WDR77: variants seen among roughly 807,000 people sequenced by gnomAD.
WDR77 encodes the protein WD repeat domain 77, also known as methylosome protein WDR77.
WDR77 carries 31 observed loss-of-function variants against 44.0 expected under a neutral mutation model. The ratio of observed to expected loss-of-function variants is 0.70; its 90% CI spans 0.53 to 0.95. The LOEUF is 0.95. Among genes scored for constraint, WDR77 ranks in the 40% least tolerant of loss-of-function variants. WDR77 has a pLI of 0.00. For synonymous variants in WDR77, 186 were observed against 165.7 expected (o/e 1.12, Z -0.94); for missense variants, 390 against 423.9 (o/e 0.92, Z 0.70).
At chr1:111,443,611 T>C (rs926636845) in intron 6 of WDR77, 2 of 977,026 alleles carry the variant, frequency 2.0e-6, no homozygotes, top group African/African-American at 1.8e-5. Context: ...GCACGAATCA[T>C]GACGATAACA....
At chr1:111,448,996 C>T (rs747249547) in intron 1 of WDR77, 59 bp downstream of exon 1, 21 of 1,542,852 alleles carry the variant, frequency 1.4e-5, no homozygotes, top group East Asian at 7.3e-5. Context: ...GGTCAGTCTC[C>T]GGGGAGGGGC....
At position 111,443,928 on chromosome 1, in the gene WDR77, G is replaced by C. The variant is rs772778494; in HGVS notation, c.565-7C>G. On this transcript the variant is annotated splice_region_variant and splice_polypyrimidine_tract_variant and intron_variant, in intron 5 of 9. Coordinates refer to ENST00000235090, the MANE Select transcript of WDR77 (RefSeq NM_024102.4). Reference sequence around the variant, plus strand: ...AGAGTAAAATTCTATTGTCCTAGAGGAAGGTGGAACAGAAAAAGGATTTCA... The same window carrying C: ...AGAGTAAAATTCTATTGTCCTAGAGCAAGGTGGAACAGAAAAAGGATTTCA... 6.2e-7 allele frequency: 1 copy of C among 1,614,220 alleles called. No individual in the cohort carries two copies. Among genetic ancestry groups the C allele is most frequent in the Non-Finnish European group, 8.5e-7 (1 of 1,180,034 alleles).
chr1:111,447,696 A>C (rs1331878525), intron 2 of WDR77, 120 bp from the exon 3 acceptor site: 1 of 1,192,930 alleles, frequency 8.4e-7, no homozygotes, highest in African/African-American at 1.5e-5. Context: ...TTCCTGTAAA[A>C]GCAAAGTCCA....
At chr1:111,443,605 G>A (rs1246560766) in intron 6 of WDR77, 8 of 971,420 alleles carry the variant, frequency 8.2e-6, no homozygotes, top group Admixed American at 6.2e-5. Flanking sequence ...TTTCAGGCAC[G>A]AATCATGACG....
Position 111,440,174 on chromosome 1 carries a change from A to T in WDR77, c.*1056T>A, listed in dbSNP as rs1652747624. The stretch of plus-strand genomic sequence containing the variant: ...AGCTACTTTGGGAAGCTGGGGAAGC[A>T]CAGGAAAAATAATGGGCTACAAGAC... On this transcript the variant is annotated 3_prime_UTR_variant, in exon 10 of 10. Transcript: ENST00000235090. 1 of 152,264 alleles carries T rather than the reference A, an allele frequency of 6.6e-6. No homozygotes were observed. Among genetic ancestry groups the T allele is most frequent in the African/African-American group, 2.4e-5 (1 of 41,452 alleles). 9.4% of individuals were successfully genotyped at this position (152,264 alleles called of 1,614,324 possible). A position where few individuals can be genotyped will look rare whatever the true frequency, so the allele number is the denominator to read the frequency against.
chr1:111,441,990 T>TC, intron 9 of WDR77, 35 bp downstream of exon 9: 1 of 1,601,434 alleles, frequency 6.2e-7, no homozygotes, highest in Non-Finnish European at 8.6e-7. Context: ...CTGCTCCCCT[T>TC]CCCTGATTCC....
At chr1:111,448,890 C>T (rs1479197836) in intron 1 of WDR77, 86 bp from the exon 2 acceptor site, 4 of 1,544,002 alleles carry the variant, frequency 2.6e-6, no homozygotes, top group Middle Eastern at 1.7e-4. Context: ...CCGGCCGGGT[C>T]TGGATCTGAG....
intron 2 of WDR77, among the ~76,000 whole-genome samples, chr1:111,448,286 T>C (rs919704372): frequency 6.6e-6 from 1 of 152,138 alleles, no homozygotes; most frequent in African/African-American, 2.4e-5. Flanking sequence ...AAGAGACATG[T>C]AGCACAGATT....
At position 111,447,315 on chromosome 1, in the gene WDR77, T is replaced by A. The variant is rs187862000; in HGVS notation, c.443+120A>T. ...AATCCCTAAGGAAACCTTATAGACA[T>A]GCTAAAATAAGTCACTGGATTCTTA... On this transcript the variant is annotated intron_variant, in intron 3 of 9. Coordinates refer to ENST00000235090, the MANE Select transcript of WDR77 (RefSeq NM_024102.4). 5 of 1,513,332 alleles carry A rather than the reference T, an allele frequency of 3.3e-6. No homozygotes were observed. In the East Asian group the frequency reaches 9.5e-5, roughly 29 times the overall value. The allele number at this position is 1,513,332 out of a possible 1,614,324, so 93.7% of individuals were successfully genotyped here.
intron 4 of WDR77, 82 bp from the exon 5 acceptor site, chr1:111,444,206 G>A: frequency 2.2e-6 from 3 of 1,385,914 alleles, no homozygotes; most frequent in Non-Finnish European, 3.1e-6. Flanking sequence ...TAATCAAGGG[G>A]CAGGAGGGAG....
In WDR77 at chr1:111,442,639, A is replaced by G; in HGVS notation, c.800+14T>C. On this transcript the variant is annotated intron_variant, in intron 8 of 9. Transcript: ENST00000235090. Reference sequence around the variant, plus strand: ...ATTTATACCCATCAGGCCCCTGATGACAAAGAACAGTACCTGTGTGGGGAG... The same window carrying G: ...ATTTATACCCATCAGGCCCCTGATGGCAAAGAACAGTACCTGTGTGGGGAG... 6.5e-7 allele frequency: 1 copy of G among 1,532,342 alleles called. No homozygotes were observed. Among genetic ancestry groups the G allele is most frequent in the Non-Finnish European group, 8.8e-7 (1 of 1,132,030 alleles). 94.9% of individuals were successfully genotyped at this position (1,532,342 alleles called of 1,614,324 possible).
At chr1:111,441,557 G>C in intron 9 of WDR77, 168 bp from the exon 10 acceptor site, 1 of 1,302,208 alleles carries the variant, frequency 7.7e-7, no homozygotes, top group Non-Finnish European at 9.7e-7. Context: ...CACAGTGGAT[G>C]TCATCAGTCA....
At chr1:111,444,838 AAT>A (rs1378482076) in intron 4 of WDR77, among the ~76,000 whole-genome samples, 2 of 152,250 alleles carry the variant, frequency 1.3e-5, no homozygotes, top group Non-Finnish European at 2.9e-5. Context: ...AGAACTAAAA[AAT>A]ATGATAGATC....
At position 111,442,722 on chromosome 1, in the gene WDR77, C is replaced by T. The variant is rs1337220187; in HGVS notation, c.731G>A (p.Ser244Asn). ...AGCTGAGCTCAGGACACAGCTTGTA[C>T]TCTTGGTGTCCACAAGGGAGACTGT... is the stretch of plus-strand genomic sequence containing the variant. ...NGTVSLVDTK[S>N]TSCVLSSAVH... Residue 244 changes from serine to asparagine, a missense_variant, in exon 8 of 10, where the codon AGT becomes AAT. Physicochemically the swap from Ser to Asn is conservative, Grantham distance 46. Coordinates refer to ENST00000235090, the MANE Select transcript of WDR77 (RefSeq NM_024102.4). 1.9e-6 allele frequency: 3 copies of T among 1,600,438 alleles called. No homozygotes were observed. The highest frequency in any genetic ancestry group is 1.3e-5 in the African/African-American group (1 of 74,730).
chr1:111,448,660 G>C lies in WDR77; in HGVS notation c.260C>G (p.Thr87Ser), dbSNP rs761944340. Residue 87 changes from threonine (T) to serine (S), a missense_variant, in exon 2 of 10, where the codon ACT becomes AGT. Coordinates refer to ENST00000235090, the MANE Select transcript of WDR77 (RefSeq NM_024102.4). ...TAGAATACCTCTCTCCCCAACCCAAGTGAGGTCAGCCACTCCAGCCTCCGT... is the reference window on the plus strand; with the variant it reads ...TAGAATACCTCTCTCCCCAACCCAACTGAGGTCAGCCACTCCAGCCTCCGT... ...VQTEAGVADL[T>S]WVGERGILVA... is the part of the protein sequence containing the mutation. 1.5e-5 allele frequency: 25 copies of C among 1,614,066 alleles called. No individual in the cohort carries two copies. Among genetic ancestry groups the C allele is most frequent in the Non-Finnish European group, 2.1e-5 (25 of 1,180,036 alleles).
intron 4 of WDR77, among the ~76,000 whole-genome samples, chr1:111,445,584 ACT>A (rs1652992714): frequency 1.3e-5 from 2 of 152,142 alleles, no homozygotes; most frequent in South Asian, 4.1e-4. Flanking sequence ...ACATAGCAAG[ACT>A]CTGTCTCTAC....
intron 3 of WDR77, 29 bp from the exon 4 acceptor site, chr1:111,447,173 A>G: frequency 2.5e-6 from 4 of 1,613,292 alleles, no homozygotes; most frequent in Non-Finnish European, 3.4e-6. Flanking sequence ...CAGACATTTA[A>G]TCTTGACCTA....
Position 111,443,676 on chromosome 1 carries a change from G to T in WDR77, c.619+191C>A. The T allele has an allele frequency of 4.1e-6, 4 of 985,382 alleles. No homozygotes were observed. In the South Asian group the frequency reaches 1.9e-4, roughly 46 times the overall value. 61.0% of individuals were successfully genotyped at this position (985,382 alleles called of 1,614,324 possible). ...AAAGTAAATCACCCACCCAGGAACT[G>T]GCCCTTCCTCTTGGTATTCATTGCA... On this transcript the variant is annotated intron_variant, in intron 6 of 9. Coordinates refer to ENST00000235090, the MANE Select transcript of WDR77 (RefSeq NM_024102.4).
At chr1:111,444,156 G>C (rs1176502834) in intron 4 of WDR77, 32 bp from the exon 5 acceptor site, 1 of 1,607,434 alleles carries the variant, frequency 6.2e-7, no homozygotes, top group African/African-American at 1.3e-5. Context: ...AAATATGATA[G>C]AAAACAAGCT....
Sources: allele counts gnomAD v4.1 joint callset (sites outside exome capture counted in the v4.1 genomes callset), GRCh38; gene constraint gnomAD v4.1.1; transcripts MANE v1.5; gene names NCBI Gene and HGNC (gene_info 2026-07-23, HGNC 2026-07-21).